Variants in FAM163A observed in about 807,000 individuals in gnomAD.
The protein encoded by FAM163A is protein FAM163A.
A neutral mutation model predicts 12.0 loss-of-function variants in FAM163A; 7 were observed. The observed-to-expected ratio is 0.58, with a 90% confidence interval of 0.33 to 1.10. The LOEUF is 1.10. FAM163A is among the 50% of genes least tolerant of loss of function. FAM163A has a pLI of 0.03. For synonymous variants in FAM163A, 101 were observed against 91.0 expected (o/e 1.11, Z -0.62); for missense variants, 202 against 218.6 (o/e 0.92, Z 0.48).
At chr1:179,803,492 G>A (rs1693473619) in intron 1 of FAM163A, among the ~76,000 whole-genome samples, 1 of 152,228 alleles carries the variant, frequency 6.6e-6, no homozygotes, top group South Asian at 2.1e-4. Flanking sequence ...CCATTTCCCA[G>A]CACATTCTAT....
intron 1 of FAM163A, among the ~76,000 whole-genome samples, chr1:179,793,633 A>G (rs961116260): frequency 6.6e-6 from 1 of 152,224 alleles, no homozygotes; most frequent in Non-Finnish European, 1.5e-5. Context: ...TTTCAGGTGT[A>G]ATGTCATAGC....
chr1:179,773,424 A>G (rs879134373), intron 1 of FAM163A, among the ~76,000 whole-genome samples: 3 of 152,212 alleles, frequency 2.0e-5, no homozygotes, highest in Non-Finnish European at 2.9e-5. Context: ...ATCGGTGTCA[A>G]TTTCCTGGTG....
chr1:179,780,255 T>C (rs146180000), intron 1 of FAM163A, among the ~76,000 whole-genome samples: 18 of 152,364 alleles, frequency 1.2e-4, no homozygotes, highest in Non-Finnish European at 2.1e-4. Flanking sequence ...ATCACACTTC[T>C]CTTCAGAAAG....
At position 179,815,077 on chromosome 1, in the gene FAM163A, C is replaced by T. The variant is rs1181087603; in HGVS notation, c.*888C>T. 4.6e-5 allele frequency: 7 copies of T among 152,764 alleles called. No individual in the cohort carries two copies. Among genetic ancestry groups the T allele is most frequent in the African/African-American group, 1.7e-4 (7 of 40,762 alleles). The allele number at this position is 152,764 out of a possible 1,614,324, so 9.5% of individuals were successfully genotyped here. Reference sequence around the variant, plus strand: ...TGCAGTCCTGTGAGGGTGTGCATAACCGTTCCCAGGTGTACGCACGCGCGC... The same window carrying T: ...TGCAGTCCTGTGAGGGTGTGCATAATCGTTCCCAGGTGTACGCACGCGCGC... On this transcript the variant is annotated 3_prime_UTR_variant, in exon 5 of 5. Transcript: ENST00000341785.
intron 1 of FAM163A, among the ~76,000 whole-genome samples, chr1:179,793,543 AG>A (rs1020995569): frequency 3.3e-5 from 5 of 152,174 alleles, no homozygotes; most frequent in Non-Finnish European, 7.3e-5. Flanking sequence ...TAGTGCTATT[AG>A]GGGGCAGTGA....
At chr1:179,787,201 G>A (rs895161100) in intron 1 of FAM163A, among the ~76,000 whole-genome samples, 19 of 152,194 alleles carry the variant, frequency 1.2e-4, no homozygotes, top group South Asian at 6.2e-4. Flanking sequence ...TCTTTAGCCC[G>A]AGGCTCCTCT....
chr1:179,786,870 C>T (rs139618332), intron 1 of FAM163A, among the ~76,000 whole-genome samples: 185 of 152,254 alleles, frequency 1.2e-3, no homozygotes, highest in African/African-American at 4.2e-3. Context: ...ACCCAGGAGC[C>T]GAGGCCCTTT....
chr1:179,731,253 G>A, the FAM163A span, among the ~76,000 whole-genome samples: 15 of 152,172 alleles, frequency 9.9e-5, no homozygotes, highest in East Asian at 1.9e-4. Flanking sequence ...GATGACCTGG[G>A]AAGAGAGAAG....
chr1:179,804,887 G>T (rs1049035801), intron 1 of FAM163A, among the ~76,000 whole-genome samples: 12 of 152,114 alleles, frequency 7.9e-5, no homozygotes, highest in African/African-American at 2.9e-4. Context: ...GAAATAATCT[G>T]CACAACAAAC....
the FAM163A span, among the ~76,000 whole-genome samples, chr1:179,729,768 T>C: frequency 3.2e-3 from 492 of 152,386 alleles, 4 homozygotes; most frequent in South Asian, 0.015. Flanking sequence ...CGAAGTTTAC[T>C]TCTGTCCTCT....
In FAM163A at chr1:179,813,924, C is replaced by G; in HGVS notation, c.239C>G (p.Thr80Ser). 1 of 1,613,786 alleles carries G rather than the reference C, an allele frequency of 6.2e-7. No individual in the cohort carries two copies. Among genetic ancestry groups the G allele is most frequent in the Non-Finnish European group, 8.5e-7 (1 of 1,180,024 alleles). ...LDGRGSLAPLTSEPCSQPCGV... is the reference protein window; with the variant it reads ...LDGRGSLAPLSSEPCSQPCGV... ...GGCAGAGGCAGCCTGGCGCCTCTCA[C>G]CAGCGAGCCCTGCAGCCAGCCCTGT... The change falls in exon 5 of 5, where the codon ACC (threonine) becomes AGC (serine). Residue 80 changes from threonine (T) to serine (S), a missense_variant. By Grantham distance (58) the Thr-to-Ser change is moderately conservative (BLOSUM62 1). Coordinates refer to ENST00000341785, the MANE Select transcript of FAM163A (RefSeq NM_173509.3).
the FAM163A span, among the ~76,000 whole-genome samples, chr1:179,730,693 T>G: frequency 6.6e-6 from 1 of 152,356 alleles, no homozygotes; most frequent in Non-Finnish European, 1.5e-5. Flanking sequence ...CTTAAAGCTC[T>G]TTTCTTAAAA....
intron 1 of FAM163A, among the ~76,000 whole-genome samples, chr1:179,779,733 G>A (rs1689470987): frequency 6.6e-6 from 1 of 152,142 alleles, no homozygotes; most frequent in African/African-American, 2.4e-5. Flanking sequence ...TTGTTTTCAA[G>A]TGGCACTCTC....
rs575551880 is a variant in FAM163A at position 179,787,631 on chromosome 1, C to A, written c.-135-20167C>A. 2.6e-5 allele frequency among the ~76,000 whole-genome samples: 4 copies of A among 152,260 alleles called. No individual in the cohort carries two copies. The East Asian group carries it at 7.7e-4, about 29-fold the overall frequency. Reference sequence around the variant, plus strand: ...GCCTGAGCATGAGGTCTAGACACACCGCTCTACAGCTCCCCCAAAGTGCCA... The same window carrying A: ...GCCTGAGCATGAGGTCTAGACACACAGCTCTACAGCTCCCCCAAAGTGCCA... On this transcript the variant is annotated intron_variant, in intron 1 of 4. Transcript: ENST00000341785.
Position 179,815,107 on chromosome 1 carries a change from G to GCACACACA in FAM163A, c.*919_*920insACACACAC, listed in dbSNP as rs1406492062. 1 of 64,828 alleles carries GCACACACA rather than the reference G, an allele frequency of 1.5e-5. No homozygotes were observed. The highest frequency in any genetic ancestry group is 7.7e-5 in the African/African-American group (1 of 12,970). 4.0% of individuals were successfully genotyped at this position (64,828 alleles called of 1,614,324 possible). A position where few individuals can be genotyped will look rare whatever the true frequency, so the allele number is the denominator to read the frequency against. On this transcript the variant is annotated 3_prime_UTR_variant, in exon 5 of 5. Coordinates refer to ENST00000341785, the MANE Select transcript of FAM163A (RefSeq NM_173509.3). ...CCCAGGTGTACGCACGCGCGCGCGC[G>GCACACACA]CGCACAGACACACACACACACACAC...
upstream of FAM163A, chr1:179,742,466 C>A (rs1683766399): frequency 6.6e-6 from 1 of 152,198 alleles, no homozygotes; most frequent in South Asian, 2.1e-4. Context: ...TCAGTCCAAT[C>A]AAGATCGGAA....
intron 1 of FAM163A, among the ~76,000 whole-genome samples, chr1:179,763,657 A>C (rs1168572125): frequency 6.6e-6 from 1 of 152,242 alleles, no homozygotes; most frequent in Non-Finnish European, 1.5e-5. Flanking sequence ...ATTTCTGAGA[A>C]AGGGCATAGG....
chr1:179,790,238 T>C (rs1272051191), intron 1 of FAM163A, among the ~76,000 whole-genome samples: 4 of 149,178 alleles, frequency 2.7e-5, no homozygotes, highest in African/African-American at 1.0e-4. Flanking sequence ...TTTTTTTTTT[T>C]TTTTTGAGCT....
intron 1 of FAM163A, among the ~76,000 whole-genome samples, chr1:179,795,648 G>A (rs1347540352): frequency 6.6e-6 from 1 of 152,180 alleles, no homozygotes. Flanking sequence ...CTTATATGCT[G>A]TTATAACAGC....
Sources: gnomAD v4.1 joint callset for allele counts (sites outside exome capture counted in the v4.1 genomes callset) on GRCh38, gnomAD v4.1.1 for gene constraint, MANE v1.5 for transcripts, NCBI Gene and HGNC (gene_info 2026-07-23, HGNC 2026-07-21) for gene names.